Variants in ARAP3 observed in about 807,000 individuals in gnomAD.
The protein encoded by ARAP3 is arf-GAP with Rho-GAP domain, ANK repeat and PH domain-containing protein 3.
In ARAP3, 82 loss-of-function variants were observed where a neutral mutation model predicts 169.2. That is an observed-to-expected ratio of 0.48 (90% CI 0.41 to 0.58). The LOEUF (loss-of-function observed/expected upper bound fraction) is 0.58, where lower values mean the gene tolerates loss of function less well. Among genes scored for constraint, ARAP3 ranks in the 20% least tolerant of loss-of-function variants. ARAP3 has a pLI of 0.00. For missense variants in ARAP3, 1,764 were observed against 2,018.0 expected, an observed-to-expected ratio of 0.87 and a Z score of 2.41; for synonymous variants, 791 against 800.3, an observed-to-expected ratio of 0.99 and a Z score of 0.20.
chr5:141,672,826 G>A lies in ARAP3; in HGVS notation c.1193C>T (p.Thr398Met), dbSNP rs189760075. 137 of 1,613,654 alleles carry A rather than the reference G, an allele frequency of 8.5e-5. 1 individual carries two copies. The Middle Eastern group carries it at 9.9e-4, about 12-fold the overall frequency. The stretch of plus-strand genomic sequence containing the variant: ...GTGTCCACGCAGCTCCAGCATGCCC[G>A]TGCGGAGGGGTCGGGGTGGTTGGGG... ...RPPQPPRPLRTGMLELRGHKA... is the reference protein window; with the variant it reads ...RPPQPPRPLRMGMLELRGHKA... Residue 398 changes from threonine (T) to methionine (M), a missense_variant, in exon 8 of 33, where the codon ACG becomes ATG. Thr to Met is a moderately conservative substitution (Grantham distance 81). Transcript: ENST00000239440. This position sits in a 1 kb window ranked among gnomAD's most constrained non-coding sequence, Gnocchi z 4.9.
chr5:141,667,061 C>T lies in ARAP3; in HGVS notation c.2353-418G>A, dbSNP rs146998570. Among the ~76,000 whole-genome samples, 127 of 152,038 alleles carry T rather than the reference C, an allele frequency of 8.4e-4. 1 individual carries two copies. In the East Asian group the frequency reaches 0.024, roughly 28 times the overall value. On this transcript the variant is annotated intron_variant, in intron 16 of 32. Transcript: ENST00000239440. ...AGTAGCTGGGACTACAGGAGCATGC[C>T]ATCACACCTGGCTAATTTTTTTTTA...
chr5:141,660,013 G>T (rs2099909720), intron 21 of ARAP3, 87 bp from the exon 22 acceptor site: 2 of 1,460,984 alleles, frequency 1.4e-6, no homozygotes, highest in South Asian at 2.8e-5. Context: ...TGGGCTAAGT[G>T]CTTGGAATAC....
rs1190112154 is a variant in ARAP3 at position 141,671,799 on chromosome 5, CCTCAGATG to C, written c.1672-55_1672-48del. On this transcript the variant is annotated intron_variant, in intron 11 of 32. Transcript: ENST00000239440. This position sits in a 1 kb window ranked among gnomAD's most constrained non-coding sequence, Gnocchi z 4.9. ...AGGCAGGTGACAGGAACTCAAGAGT[CCTCAGATG>C]TTCCATTCCTGTCCCCAGGCTGGCC... is the stretch of plus-strand genomic sequence containing the variant. The C allele has an allele frequency of 6.2e-7, 1 of 1,604,376 alleles. No individual in the cohort carries two copies. The highest frequency in any genetic ancestry group is 8.5e-7 in the Non-Finnish European group (1 of 1,173,978).
chr5:141,670,384 AC>A, intron 14 of ARAP3, 127 bp downstream of exon 14: 1 of 1,030,642 alleles, frequency 9.7e-7, no homozygotes, highest in Non-Finnish European at 1.5e-6. Context: ...CACCCCCAGG[AC>A]CCCAGCCCAT....
intron 32 of ARAP3, among the ~76,000 whole-genome samples, chr5:141,655,005 C>A (rs1365922793): frequency 6.6e-6 from 1 of 152,104 alleles, no homozygotes; most frequent in East Asian, 1.9e-4. Context: ...TCCCAAAGTG[C>A]TGGGATTACA....
intron 23 of ARAP3, among the ~76,000 whole-genome samples, chr5:141,658,992 A>G (rs2099909583): frequency 1.3e-5 from 2 of 152,220 alleles, no homozygotes; most frequent in South Asian, 2.1e-4. Flanking sequence ...ATGGAGTTGT[A>G]TCATACTAAC....
chr5:141,680,764 T>TCAC lies in ARAP3; in HGVS notation c.-17-262_-17-261insGTG, dbSNP rs1428331690. On this transcript the variant is annotated intron_variant, in intron 1 of 32. Coordinates refer to ENST00000239440, the MANE Select transcript of ARAP3 (RefSeq NM_022481.6). ...CCCCAGGTTCACAGTAAGTCAGTGC[T>TCAC]AGAGTTGGCCCCTCAGTTCCTGCCC... 11 of 522,010 alleles carry TCAC rather than the reference T, an allele frequency of 2.1e-5. No homozygotes were observed. The African/African-American group carries it at 2.1e-4, about 10-fold the overall frequency. 32.3% of individuals were successfully genotyped at this position (522,010 alleles called of 1,614,324 possible).
Position 141,666,070 on chromosome 5 carries a change from TAATAAC to T in ARAP3, c.2572+348_2572+353del, listed in dbSNP as rs1378606063. Reference sequence around the variant, plus strand: ...AAAAAAAAAATAATAATAATAATAATAATAACAACATTTATTGAGCACTTAAAAAAT... The same window carrying T: ...AAAAAAAAAATAATAATAATAATAATAACATTTATTGAGCACTTAAAAAAT... On this transcript the variant is annotated intron_variant, in intron 17 of 32. Transcript: ENST00000239440. 2.8e-3 allele frequency among the ~76,000 whole-genome samples: 412 copies of T among 146,652 alleles called. 5 individuals are homozygous for T. Among genetic ancestry groups the T allele is most frequent in the African/African-American group, 3.5e-3 (137 of 38,830 alleles).
At chr5:141,681,618 C>T (rs1406285640) in intron 1 of ARAP3, among the ~76,000 whole-genome samples, 1 of 152,166 alleles carries the variant, frequency 6.6e-6, no homozygotes, top group Non-Finnish European at 1.5e-5. Flanking sequence ...CTGTTTTGCT[C>T]TCTGTTATTA....
rs554433565 is a variant in ARAP3 at position 141,658,428 on chromosome 5, G to A, written c.3463C>T (p.Arg1155Trp). 6.8e-6 allele frequency: 11 copies of A among 1,614,068 alleles called. No homozygotes were observed. Among genetic ancestry groups the A allele is most frequent in the East Asian group, 6.7e-5 (3 of 44,868 alleles). ...EELTNQVLEM[R>W]GTAAGMDLWV... The stretch of plus-strand genomic sequence containing the variant: ...AAGTCCATCCCAGCTGCTGTCCCCC[G>A]CATCTCCAGTACCTGGTTAGTCAGC... Residue 1155 changes from arginine to tryptophan, a missense_variant, in exon 25 of 33, where the codon CGG becomes TGG. Arg to Trp is a moderately radical substitution (Grantham distance 101). This residue lies in a region of ARAP3 where 1,112 missense variants were observed against 1,285.7 expected (regional missense o/e 0.86). Coordinates refer to ENST00000239440, the MANE Select transcript of ARAP3 (RefSeq NM_022481.6).
chr5:141,660,995 G>A (rs985667255), intron 21 of ARAP3, among the ~76,000 whole-genome samples: 2 of 151,684 alleles, frequency 1.3e-5, no homozygotes, highest in African/African-American at 2.4e-5. Context: ...CGGATGTACT[G>A]GCATGTACTA....
In ARAP3 at chr5:141,668,801, C is replaced by G. The variant is rs534174847; in HGVS notation, c.2352+908G>C. 6.6e-4 allele frequency among the ~76,000 whole-genome samples: 100 copies of G among 152,252 alleles called. 1 individual carries two copies. Among genetic ancestry groups the G allele is most frequent in the African/African-American group, 2.2e-3 (93 of 41,536 alleles). Reference sequence around the variant, plus strand: ...GGTGAGGCTGGGAGGCAGCCTTGGCCTTTGGAAATGGGAAGGCACTGGTGA... The same window carrying G: ...GGTGAGGCTGGGAGGCAGCCTTGGCGTTTGGAAATGGGAAGGCACTGGTGA... On this transcript the variant is annotated intron_variant, in intron 16 of 32. Coordinates refer to ENST00000239440, the MANE Select transcript of ARAP3 (RefSeq NM_022481.6).
chr5:141,681,367 C>G (rs1289870699), intron 1 of ARAP3, among the ~76,000 whole-genome samples: 1 of 152,180 alleles, frequency 6.6e-6, no homozygotes, highest in African/African-American at 2.4e-5. Flanking sequence ...GCCATCCCCC[C>G]ACCTCTGCTT....
intron 19 of ARAP3, among the ~76,000 whole-genome samples, chr5:141,662,861 T>C (rs2099910148): frequency 6.6e-6 from 1 of 152,188 alleles, no homozygotes; most frequent in East Asian, 1.9e-4. Flanking sequence ...TGTGTTAGAT[T>C]AGCTTGAGTT....
intron 21 of ARAP3, among the ~76,000 whole-genome samples, chr5:141,660,392 G>A (rs2099909789): frequency 6.6e-6 from 1 of 151,552 alleles, no homozygotes; most frequent in African/African-American, 2.4e-5. Context: ...TACTCGGGAG[G>A]CTGAGGCAGG....
Position 141,654,003 on chromosome 5 carries a change from G to T in ARAP3, c.4582C>A (p.Pro1528Thr). 2 of 1,558,060 alleles carry T rather than the reference G, an allele frequency of 1.3e-6. No individual in the cohort carries two copies. Among genetic ancestry groups the T allele is most frequent in the Non-Finnish European group, 1.7e-6 (2 of 1,153,136 alleles). ...TGLPTQTPGF[P>T]TQPPCTSSPP... ...CTGGAAGTGCATGGGGGTTGGGTGG[G>T]GAAGCCAGGTGTCTGTGTTGGAAGG... is the stretch of plus-strand genomic sequence containing the variant. The change falls in exon 33 of 33, where the codon CCC becomes ACC. Residue 1528 changes from proline to threonine, a missense_variant. Transcript: ENST00000239440.
At chr5:141,655,441 TA>T in intron 31 of ARAP3, 41 bp from the exon 32 acceptor site, 2 of 1,582,680 alleles carry the variant, frequency 1.3e-6, no homozygotes, top group South Asian at 2.3e-5. Flanking sequence ...AGGAAAGACA[TA>T]AAGACACAGT....
rs772851236 is a variant in ARAP3, at chr5:141,671,710, C to A, written c.1714G>T (p.Ala572Ser). 6.2e-7 allele frequency: 1 copy of A among 1,609,254 alleles called. No homozygotes were observed. Among genetic ancestry groups the A allele is most frequent in the Non-Finnish European group, 8.5e-7 (1 of 1,177,488 alleles). The change falls in exon 12 of 33, where the codon GCA becomes TCA. Residue 572 changes from alanine (A) to serine (S), a missense_variant. By Grantham distance (99) the Ala-to-Ser change is moderately conservative. This residue lies in a region of ARAP3 where 1,112 missense variants were observed against 1,285.7 expected (regional missense o/e 0.86). Transcript: ENST00000239440. The surrounding 1 kb of genome is among the most constrained non-coding windows in gnomAD (Gnocchi z 4.9). ...CCCTCACCTGGGGGTAGGGTCCCTG[C>A]CCAGAAGCGGTTGGCACGATCATTT... ...LGNDRANRFW[A>S]GTLPPGEGLH...
intron 4 of ARAP3, 46 bp downstream of exon 4, chr5:141,679,499 G>A (rs745996687): frequency 2.6e-5 from 41 of 1,575,322 alleles, no homozygotes; most frequent in East Asian, 2.0e-4. Context: ...GGCCGCCACC[G>A]ACTCACCTGC....
Sources: allele counts gnomAD v4.1 joint callset (sites outside exome capture counted in the v4.1 genomes callset), GRCh38; gene constraint gnomAD v4.1.1; regional missense constraint gnomAD v4.1.1; non-coding constraint Gnocchi (gnomAD v3.1); transcripts MANE v1.5; gene names NCBI Gene and HGNC (gene_info 2026-07-23, HGNC 2026-07-21).